Variants in MAD1L1 observed in about 807,000 individuals in gnomAD.
The protein encoded by MAD1L1 is mitotic spindle assembly checkpoint protein MAD1.
Under a neutral mutation model 96.9 loss-of-function variants are expected in MAD1L1, and 95 were observed. The ratio of observed to expected loss-of-function variants is 0.98; its 90% CI spans 0.83 to 1.16. MAD1L1 has a LOEUF of 1.16. Ranked by LOEUF, MAD1L1 falls within the 50% of genes most tolerant of loss-of-function variation. MAD1L1 has a pLI of 0.00. For synonymous variants in MAD1L1, 473 were observed against 396.6 expected (o/e 1.19, Z -2.29); for missense variants, 1,007 against 954.4 (o/e 1.06, Z -0.73).
intron 16 of MAD1L1, among the ~76,000 whole-genome samples, chr7:1,943,167 G>A (rs553435035): frequency 3.3e-5 from 5 of 152,314 alleles, no homozygotes; most frequent in African/African-American, 1.2e-4. Flanking sequence ...CGTAAAACCT[G>A]TGGAAGAAAA....
chr7:2,092,030 A>G (rs185098041), intron 11 of MAD1L1, among the ~76,000 whole-genome samples: 114 of 152,300 alleles, frequency 7.5e-4, no homozygotes, highest in Non-Finnish European at 1.5e-3. Context: ...AGGTCATACG[A>G]TAAGACCGTG....
At chr7:1,934,586 C>T (rs1019115498) in intron 17 of MAD1L1, among the ~76,000 whole-genome samples, 8 of 149,512 alleles carry the variant, frequency 5.4e-5, no homozygotes, top group Admixed American at 2.7e-4. Context: ...CGAGCGAACC[C>T]GAGACAGGCA....
chr7:2,176,448 G>T (rs551408008), intron 10 of MAD1L1, among the ~76,000 whole-genome samples: 1 of 152,044 alleles, frequency 6.6e-6, no homozygotes, highest in Non-Finnish European at 1.5e-5. Flanking sequence ...ATTTCACGTC[G>T]TACCAGAGGT....
chr7:2,119,442 A>T lies in MAD1L1; in HGVS notation c.1073+29710T>A, dbSNP rs1473909595. On this transcript the variant is annotated intron_variant, in intron 11 of 18. Transcript: ENST00000265854. This position sits in a 1 kb window ranked among gnomAD's most constrained non-coding sequence, Gnocchi z 4.6. Reference sequence around the variant, plus strand: ...GAGCAGGAGCTGTCGTGGGGCGCACACTCTCTGTAGCTGGCCAAAGCTGGA... The same window carrying T: ...GAGCAGGAGCTGTCGTGGGGCGCACTCTCTCTGTAGCTGGCCAAAGCTGGA... Among the ~76,000 whole-genome samples, 1 of 151,782 alleles carries T rather than the reference A, an allele frequency of 6.6e-6. No homozygotes were observed. The highest frequency in any genetic ancestry group is 2.4e-5 in the African/African-American group (1 of 41,300).
At chr7:2,225,705 G>T in intron 3 of MAD1L1, 155 bp from the exon 4 acceptor site, 1 of 765,896 alleles carries the variant, frequency 1.3e-6, no homozygotes, top group East Asian at 2.7e-5. Flanking sequence ...CCAGGCTGGG[G>T]AACAGGGGAG....
intron 18 of MAD1L1, among the ~76,000 whole-genome samples, chr7:1,861,929 G>GC (rs1784553238): frequency 6.6e-6 from 1 of 151,942 alleles, no homozygotes; most frequent in South Asian, 2.1e-4. Context: ...GGGACTCCTG[G>GC]CCCCCCAGCC....
chr7:1,923,616 C>G (rs957991454), intron 17 of MAD1L1, among the ~76,000 whole-genome samples: 6 of 152,270 alleles, frequency 3.9e-5, no homozygotes, highest in African/African-American at 1.2e-4. Flanking sequence ...GCATGTCCTG[C>G]CCTGTTCCAA....
chr7:1,893,649 C>G (rs925068367), intron 18 of MAD1L1, among the ~76,000 whole-genome samples: 8 of 152,092 alleles, frequency 5.3e-5, no homozygotes, highest in African/African-American at 1.9e-4. Flanking sequence ...CTGGGCACAC[C>G]TAGTGATGCT....
intron 16 of MAD1L1, among the ~76,000 whole-genome samples, chr7:1,950,584 G>A (rs1224354015): frequency 6.6e-6 from 1 of 152,200 alleles, no homozygotes; most frequent in Non-Finnish European, 1.5e-5. Flanking sequence ...GACTTGGGCT[G>A]AGGCCTGGCT....
chr7:1,999,436 C>T (rs1037933941), intron 14 of MAD1L1, among the ~76,000 whole-genome samples: 1 of 152,184 alleles, frequency 6.6e-6, no homozygotes, highest in Non-Finnish European at 1.5e-5. Flanking sequence ...CTGGCAAACC[C>T]GCCCTGGTAA....
chr7:2,171,030 T>C (rs1353862766), intron 10 of MAD1L1, among the ~76,000 whole-genome samples: 1 of 152,196 alleles, frequency 6.6e-6, no homozygotes, highest in Non-Finnish European at 1.5e-5. Context: ...ACACAGATGA[T>C]TTAGCAAGAC....
At chr7:2,050,744 G>T (rs1411595704) in intron 12 of MAD1L1, among the ~76,000 whole-genome samples, 3 of 146,348 alleles carry the variant, frequency 2.0e-5, no homozygotes, top group Non-Finnish European at 4.4e-5. Flanking sequence ...CCCGAGGGCG[G>T]CTCAGTCCTC....
At chr7:2,047,168 C>T (rs1783962165) in intron 12 of MAD1L1, among the ~76,000 whole-genome samples, 1 of 152,198 alleles carries the variant, frequency 6.6e-6, no homozygotes, top group African/African-American at 2.4e-5. Context: ...ACCCCAGCTC[C>T]CCAGGGCTGC....
chr7:1,914,608 G>A (rs1470205082), intron 17 of MAD1L1, among the ~76,000 whole-genome samples: 1 of 152,144 alleles, frequency 6.6e-6, no homozygotes, highest in African/African-American at 2.4e-5. Context: ...ATCACATCGT[G>A]TTGAGTTTTT....
chr7:2,061,161 A>AC lies in MAD1L1; in HGVS notation c.1218+8032dup, dbSNP rs201403969. On this transcript the variant is annotated intron_variant, in intron 12 of 18. Transcript: ENST00000265854. ...AGACCAGCCTAACCAACATGGTGAG[A>AC]CCCCATCTCTACTAAAAATACAAAA... 9.7e-3 allele frequency among the ~76,000 whole-genome samples: 1,482 copies of AC among 152,102 alleles called. 25 individuals carry two copies. The highest frequency in any genetic ancestry group is 0.034 in the African/African-American group (1,390 of 41,486).
intron 10 of MAD1L1, among the ~76,000 whole-genome samples, chr7:2,184,132 G>C (rs1018363798): frequency 6.6e-6 from 1 of 151,858 alleles, no homozygotes; most frequent in East Asian, 1.9e-4. Context: ...GGCGCCTGTA[G>C]TCCCAGCTAC....
At chr7:1,904,138 G>T in intron 17 of MAD1L1, among the ~76,000 whole-genome samples, 2 of 134,964 alleles carry the variant, frequency 1.5e-5, no homozygotes, top group Admixed American at 7.6e-5. Context: ...TCCAGGCAGC[G>T]AGGACGCAGT....
intron 10 of MAD1L1, among the ~76,000 whole-genome samples, chr7:2,160,851 T>G (rs1008258608): frequency 7.9e-5 from 12 of 152,168 alleles, no homozygotes; most frequent in African/African-American, 2.9e-4. Flanking sequence ...CAATAAGTAA[T>G]TTTCAAAGCC....
In MAD1L1 at chr7:1,840,783, A is replaced by C. The variant is rs573477781; in HGVS notation, c.1999-24555T>G. On this transcript the variant is annotated intron_variant, in intron 18 of 18. Transcript: ENST00000265854. ...AGCAGTTCAGGGCTCCTGCAGTTCA[A>C]GGTTTTAGCGGCCTGGGCATGCGGT... Among the ~76,000 whole-genome samples the C allele has an allele frequency of 4.6e-5, 7 of 152,354 alleles. No homozygotes were observed. The South Asian group carries it at 1.0e-3, about 23-fold the overall frequency.
Sources: allele counts gnomAD v4.1 joint callset (sites outside exome capture counted in the v4.1 genomes callset), GRCh38; gene constraint gnomAD v4.1.1; non-coding constraint Gnocchi (gnomAD v3.1); transcripts MANE v1.5; gene names NCBI Gene and HGNC (gene_info 2026-07-23, HGNC 2026-07-21).